The following TBL1X variants were observed in gnomAD, a reference collection of about 807,000 sequenced individuals.
TBL1X encodes the protein F-box-like/WD repeat-containing protein TBL1X.
TBL1X carries 10 observed loss-of-function variants against 50.7 expected under a neutral mutation model. The observed-to-expected ratio is 0.20, with a 90% confidence interval of 0.12 to 0.33. TBL1X has a LOEUF of 0.33. TBL1X is among the 10% of genes least tolerant of loss of function. The probability of loss-of-function intolerance (pLI) is 1.00; values close to 1 mark genes in which losing one functional copy is unlikely to be tolerated. For missense variants in TBL1X, 340 were observed against 504.4 expected (o/e 0.67, Z 3.12); for synonymous variants, 190 against 214.7 (o/e 0.88, Z 1.01).
chrX:9,469,595 G>C (rs2081799976), intron 1 of TBL1X, among the ~76,000 whole-genome samples: 1 of 112,395 alleles, frequency 8.9e-6, no homozygotes. Flanking sequence ...ACATTTTAGG[G>C]CTGTATCTAT....
At position 9,697,438 on chromosome X, in the gene TBL1X, TTTGTTGTTG is replaced by T. The variant is rs747238686; in HGVS notation, c.1114+21_1114+29del. The T allele has an allele frequency of 3.3e-6, 4 of 1,207,779 alleles. No homozygotes were observed. The highest frequency in any genetic ancestry group is 4.5e-6 in the Non-Finnish European group (4 of 894,209). Reference sequence around the variant, plus strand: ...GTTTCCTTTTCATTCAGGTGAGTTTTTTGTTGTTGTTGTTGTTGTTTGTTTTTTTGTAAT... The same window carrying T: ...GTTTCCTTTTCATTCAGGTGAGTTTTTTGTTGTTGTTTGTTTTTTTGTAAT... On this transcript the variant is annotated intron_variant, in intron 12 of 17. Transcript: ENST00000645353.
chrX:9,526,126 TGAGA>T (rs1334030579), intron 2 of TBL1X, among the ~76,000 whole-genome samples: 1 of 87,655 alleles, frequency 1.1e-5, no homozygotes, highest in Non-Finnish European at 2.1e-5. Flanking sequence ...AGTGTGTGTG[TGAGA>T]GAGAGGAGAG....
chrX:9,684,019 C>T (rs374380819), intron 5 of TBL1X, 24 bp from the exon 6 acceptor site: 1,019 of 1,209,933 alleles, frequency 8.4e-4, no homozygotes, highest in Non-Finnish European at 1.1e-3. Context: ...CTCACTCAAC[C>T]TCAGCTTTCC....
At chrX:9,709,143 A>G (rs1308344638) in intron 13 of TBL1X, 105 bp from the exon 14 acceptor site, 1 of 785,200 alleles carries the variant, frequency 1.3e-6, no homozygotes, top group African/African-American at 2.1e-5. Flanking sequence ...CTGAAGCCGA[A>G]GACCTTCTGC....
chrX:9,685,529 T>C (rs1397406759), intron 6 of TBL1X, among the ~76,000 whole-genome samples: 1 of 110,539 alleles, frequency 9.0e-6, no homozygotes, highest in Admixed American at 9.7e-5. Flanking sequence ...TACTGAACTT[T>C]TCCATACTGT....
At position 9,653,662 on chromosome X, in the gene TBL1X, C is replaced by A; in HGVS notation, c.76C>A (p.His26Asn). 5.1e-6 allele frequency: 6 copies of A among 1,172,105 alleles called. No homozygotes were observed. The highest frequency in any genetic ancestry group is 6.9e-6 in the Non-Finnish European group (6 of 875,194). Residue 26 changes from histidine to asparagine, a missense_variant, in exon 4 of 18, where the codon CAC (histidine) becomes AAC (asparagine). Transcript: ENST00000645353. ...AAGAGGGGCCATGCAGTCAGTCTTG[C>A]ACCACTTTCAACGTTTGCGAGGGAG... ...AGRGAMQSVL[H>N]HFQRLRGREG...
chrX:9,701,449 G>A (rs951408209), intron 12 of TBL1X, among the ~76,000 whole-genome samples: 4 of 108,725 alleles, frequency 3.7e-5, no homozygotes, highest in African/African-American at 1.3e-4. Context: ...ACCTGAGCAC[G>A]GGGGAGCCTC....
chrX:9,716,945 C>T lies in TBL1X; in HGVS notation c.*699C>T, dbSNP rs1395683448. On this transcript the variant is annotated 3_prime_UTR_variant, in exon 18 of 18. Coordinates refer to ENST00000645353, the MANE Select transcript of TBL1X (RefSeq NM_005647.4). ...CTCTGTCTGGTGAGCTCTGCTTTTT[C>T]AGTGCACCATCAAGAGATGCAGCCC... 1.8e-5 allele frequency: 2 copies of T among 110,751 alleles called. No individual in the cohort carries two copies. Among genetic ancestry groups the T allele is most frequent in the Non-Finnish European group, 3.8e-5 (2 of 52,951 alleles). 9.1% of individuals were successfully genotyped at this position (110,751 alleles called of 1,213,427 possible).
intron 5 of TBL1X, among the ~76,000 whole-genome samples, chrX:9,665,512 TATATATATATATATATATATATATATAA>T (rs1244739622): frequency 4.0e-5 from 2 of 49,434 alleles, no homozygotes; most frequent in African/African-American, 1.4e-4. Flanking sequence ...TATATATATA[TATATATATATATATATATATATATATAA>T]AAGGCCTTGG....
intron 1 of TBL1X, among the ~76,000 whole-genome samples, chrX:9,470,015 C>T (rs1450658913): frequency 8.9e-6 from 1 of 112,848 alleles, no homozygotes; most frequent in African/African-American, 3.2e-5. Context: ...AAGGAAAAAA[C>T]AGCTTTGCTC....
chrX:9,647,570 A>G (rs1045440091), intron 3 of TBL1X, among the ~76,000 whole-genome samples: 1 of 111,928 alleles, frequency 8.9e-6, no homozygotes, highest in African/African-American at 3.3e-5. Context: ...AGTGCTGCCA[A>G]AACTCTCCTT....
At chrX:9,479,919 G>A in intron 1 of TBL1X, among the ~76,000 whole-genome samples, 1 of 63,559 alleles carries the variant, frequency 1.6e-5, no homozygotes, top group Non-Finnish European at 3.2e-5. Context: ...TTACATGCAA[G>A]GCGTAGAAGG....
chrX:9,632,169 T>G (rs1004168073), intron 2 of TBL1X, among the ~76,000 whole-genome samples: 1 of 112,255 alleles, frequency 8.9e-6, no homozygotes, highest in Middle Eastern at 4.6e-3. Context: ...GTTGGGGTTT[T>G]CTATGCTGTT....
At position 9,557,624 on chromosome X, in the gene TBL1X, C is replaced by G. The variant is rs2082306938; in HGVS notation, c.-131+55775C>G. On this transcript the variant is annotated intron_variant, in intron 2 of 17. Coordinates refer to ENST00000645353, the MANE Select transcript of TBL1X (RefSeq NM_005647.4). ...TGAGGAGTTAAAGGGTAGAATCAGG[C>G]TGGGGAGAGCAAATTTACTTTTGAA... Among the ~76,000 whole-genome samples, 3 of 111,428 alleles carry G rather than the reference C, an allele frequency of 2.7e-5. No homozygotes were observed. In the South Asian group the frequency reaches 1.1e-3, roughly 42 times the overall value.
intron 2 of TBL1X, among the ~76,000 whole-genome samples, chrX:9,521,347 C>T (rs758253586): frequency 1.9e-4 from 21 of 110,975 alleles, no homozygotes; most frequent in Non-Finnish European, 3.8e-4. Context: ...GTGGTGGGTC[C>T]GGTAGATGCA....
At chrX:9,606,343 A>G (rs2082583313) in intron 2 of TBL1X, among the ~76,000 whole-genome samples, 1 of 112,011 alleles carries the variant, frequency 8.9e-6, no homozygotes, top group Non-Finnish European at 1.9e-5. Context: ...TTTTGAGTCC[A>G]TAATCGTCTA....
intron 2 of TBL1X, among the ~76,000 whole-genome samples, chrX:9,609,293 C>G (rs1410525261): frequency 9.1e-6 from 1 of 109,742 alleles, no homozygotes; most frequent in Non-Finnish European, 1.9e-5. Context: ...AAACCCACCC[C>G]TAGAAGTTTT....
intron 12 of TBL1X, among the ~76,000 whole-genome samples, chrX:9,702,457 A>G (rs969125828): frequency 1.9e-5 from 2 of 105,975 alleles, no homozygotes; most frequent in African/African-American, 6.9e-5. Flanking sequence ...AAAAAAAAAA[A>G]AAACTGGGCA....
chrX:9,503,244 G>T (rs774498052), intron 2 of TBL1X, among the ~76,000 whole-genome samples: 1 of 112,084 alleles, frequency 8.9e-6, no homozygotes, highest in South Asian at 3.8e-4. Context: ...TAAGGCAGGA[G>T]GTGAGTGAGC....
Sources: gnomAD v4.1 joint callset for allele counts (sites outside exome capture counted in the v4.1 genomes callset) on GRCh38, gnomAD v4.1.1 for gene constraint, MANE v1.5 for transcripts, NCBI Gene and HGNC (gene_info 2026-07-23, HGNC 2026-07-21) for gene names.